The following ZNF385D variants were observed in gnomAD, a reference collection of about 807,000 sequenced individuals.
ZNF385D encodes zinc finger protein 659.
In ZNF385D, 15 loss-of-function variants were observed where a neutral mutation model predicts 35.8. That is an observed-to-expected ratio of 0.42 (90% confidence interval 0.28 to 0.64). The LOEUF (loss-of-function observed/expected upper bound fraction) is 0.64. Ranked by LOEUF, ZNF385D falls within the 30% of genes least tolerant of loss-of-function variation. The pLI is 0.23. For synonymous variants in ZNF385D, 212 were observed against 186.8 expected, an observed-to-expected ratio of 1.13 and a Z score of -1.10; for missense variants, 474 against 494.6, an observed-to-expected ratio of 0.96 and a Z score of 0.39.
chr3:21,931,273 T>C (rs369865638), intron 3 of ZNF385D, among the ~76,000 whole-genome samples: 16 of 152,214 alleles, frequency 1.1e-4, no homozygotes, highest in South Asian at 8.3e-4. Context: ...GGAATGCCTA[T>C]AATAAAAAGG....
chr3:22,208,001 A>G (rs1697267398), intron 2 of ZNF385D, among the ~76,000 whole-genome samples: 1 of 151,994 alleles, frequency 6.6e-6, no homozygotes, highest in Non-Finnish European at 1.5e-5. Context: ...TAGTATAGCC[A>G]ATATGAAGAA....
At chr3:21,543,469 G>C (rs1329074333) in intron 3 of ZNF385D, among the ~76,000 whole-genome samples, 2 of 152,174 alleles carry the variant, frequency 1.3e-5, no homozygotes, top group South Asian at 4.2e-4. Flanking sequence ...GTTCCCAGCC[G>C]CTCCCCACTC....
At chr3:22,345,140 C>G (rs1276196386) in intron 2 of ZNF385D, among the ~76,000 whole-genome samples, 1 of 152,084 alleles carries the variant, frequency 6.6e-6, no homozygotes, top group Non-Finnish European at 1.5e-5. Context: ...ACTATAATAA[C>G]AATAATAATG....
chr3:22,182,901 T>A (rs1410766292), intron 2 of ZNF385D, among the ~76,000 whole-genome samples: 1 of 152,118 alleles, frequency 6.6e-6, no homozygotes, highest in Non-Finnish European at 1.5e-5. Flanking sequence ...ATTTATATTT[T>A]GCAAATGCAT....
At position 22,359,589 on chromosome 3, in the gene ZNF385D, C is replaced by G. The variant is rs369879901; in HGVS notation, c.106+12861G>C. ...GCAATCATTGTAACTCATTGTGTGT[C>G]AAGATTGGTATCTACCATTTAAATG... On this transcript the variant is annotated intron_variant, in intron 2 of 5. Transcript: ENST00000494108. Among the ~76,000 whole-genome samples the G allele has an allele frequency of 5.3e-5, 8 of 151,806 alleles. No individual in the cohort carries two copies. The East Asian group carries it at 1.2e-3, about 22-fold the overall frequency.
intron 2 of ZNF385D, among the ~76,000 whole-genome samples, chr3:22,314,861 C>A (rs540668699): frequency 1.3e-5 from 2 of 152,070 alleles, no homozygotes; most frequent in South Asian, 4.2e-4. Flanking sequence ...CAGGGTCAGC[C>A]CCCCAAAAAA....
chr3:21,888,829 G>A (rs888056868), intron 3 of ZNF385D, among the ~76,000 whole-genome samples: 3 of 152,234 alleles, frequency 2.0e-5, no homozygotes, highest in Non-Finnish European at 1.5e-5. Context: ...AGTTGAGGTT[G>A]CCAAGGTGAC....
In ZNF385D at chr3:21,516,731, T is replaced by G. The variant is rs548276615; in HGVS notation, c.277-5708A>C. Among the ~76,000 whole-genome samples the G allele has an allele frequency of 4.7e-4, 71 of 152,350 alleles. No homozygotes were observed. The South Asian group carries it at 0.015, about 32-fold the overall frequency. ...CTCTGGGTCATCGTGCATGCATACC[T>G]GAGTTATACATCTTAGTAAACTTTT... On this transcript the variant is annotated intron_variant, in intron 3 of 7. Coordinates refer to ENST00000281523, the MANE Select transcript of ZNF385D (RefSeq NM_024697.3).
chr3:21,807,050 AAGAG>A (rs992536652), intron 3 of ZNF385D, among the ~76,000 whole-genome samples: 1 of 152,164 alleles, frequency 6.6e-6, no homozygotes. Flanking sequence ...GGGAAACCAG[AAGAG>A]AGAAAGAAGG....
At chr3:21,766,187 C>T (rs12633231) in intron 3 of ZNF385D, among the ~76,000 whole-genome samples, 44,219 of 151,970 alleles carry the variant, frequency 0.29, 7,266 homozygotes, top group East Asian at 0.43. Context: ...TTCAGATCTC[C>T]AGATGAGAGA....
At chr3:21,495,770 T>C (rs138006149) in intron 4 of ZNF385D, among the ~76,000 whole-genome samples, 161 of 151,952 alleles carry the variant, frequency 1.1e-3, no homozygotes, top group African/African-American at 3.7e-3. Flanking sequence ...AGTTGGCTTT[T>C]TGAAAGAATT....
At chr3:21,914,562 C>T (rs1700110084) in intron 3 of ZNF385D, among the ~76,000 whole-genome samples, 1 of 151,712 alleles carries the variant, frequency 6.6e-6, no homozygotes, top group Non-Finnish European at 1.5e-5. Context: ...GGCATGAAGT[C>T]GAGATACATA....
intron 3 of ZNF385D, among the ~76,000 whole-genome samples, chr3:22,143,026 A>G (rs1395435097): frequency 1.3e-5 from 2 of 151,564 alleles, no homozygotes; most frequent in Non-Finnish European, 2.9e-5. Context: ...ATAAAAAAAA[A>G]AGAGATTCAT....
At chr3:22,136,925 G>A (rs970951613) in intron 3 of ZNF385D, among the ~76,000 whole-genome samples, 1 of 152,088 alleles carries the variant, frequency 6.6e-6, no homozygotes, top group African/African-American at 2.4e-5. Context: ...TTCTAGAGAA[G>A]GAATAGAGGG....
chr3:22,185,028 G>A (rs1695535016), intron 2 of ZNF385D, among the ~76,000 whole-genome samples: 1 of 152,062 alleles, frequency 6.6e-6, no homozygotes, highest in Non-Finnish European at 1.5e-5. Flanking sequence ...TCCCAGAAAT[G>A]CTGAAATCAG....
chr3:21,564,038 T>A (rs1430456551), intron 3 of ZNF385D, among the ~76,000 whole-genome samples: 2 of 152,156 alleles, frequency 1.3e-5, no homozygotes, highest in Admixed American at 6.5e-5. Flanking sequence ...CTTTTGGGGC[T>A]TGAGTGGTTC....
intron 3 of ZNF385D, among the ~76,000 whole-genome samples, chr3:21,870,027 C>G (rs146035819): frequency 6.6e-5 from 10 of 152,036 alleles, no homozygotes; most frequent in Admixed American, 2.0e-4. Context: ...AAACAACTTT[C>G]TCAAATCTGC....
At chr3:21,627,555 C>A (rs2065171390) in intron 2 of ZNF385D, among the ~76,000 whole-genome samples, 1 of 152,084 alleles carries the variant, frequency 6.6e-6, no homozygotes, top group Non-Finnish European at 1.5e-5. Flanking sequence ...CCCTGAAATT[C>A]TATACTCCTC....
At chr3:21,806,842 C>A (rs2072674768) in intron 3 of ZNF385D, among the ~76,000 whole-genome samples, 1 of 152,172 alleles carries the variant, frequency 6.6e-6, no homozygotes, top group African/African-American at 2.4e-5. Context: ...AGTGAAACTT[C>A]AGACTTTGTG....
Sources: allele counts gnomAD v4.1 joint callset (sites outside exome capture counted in the v4.1 genomes callset), GRCh38; gene constraint gnomAD v4.1.1; transcripts MANE v1.5; gene names NCBI Gene and HGNC (gene_info 2026-07-23, HGNC 2026-07-21).